NTNG1: variants seen among roughly 807,000 people sequenced by gnomAD.
NTNG1 encodes netrin G1.
In NTNG1, 16 loss-of-function variants were observed where a neutral mutation model predicts 54.0. The observed-to-expected ratio is 0.30, with a 90% CI of 0.20 to 0.45. NTNG1 has a LOEUF of 0.45. Ranked by LOEUF, NTNG1 falls within the 20% of genes least tolerant of loss-of-function variation. The probability of loss-of-function intolerance (pLI) is 1.00; values close to 1 mark genes in which losing one functional copy is unlikely to be tolerated. For synonymous variants in NTNG1, 255 were observed against 263.1 expected (o/e 0.97, Z 0.30); for missense variants, 530 against 678.7 (o/e 0.78, Z 2.43).
At chr1:107,334,787 A>G (rs1418123347) in intron 3 of NTNG1, among the ~76,000 whole-genome samples, 1 of 152,008 alleles carries the variant, frequency 6.6e-6, no homozygotes, top group Non-Finnish European at 1.5e-5. Flanking sequence ...CCTGGCGCAT[A>G]TTAAAAGTTC....
chr1:107,293,169 A>G (rs1392835107), intron 2 of NTNG1, among the ~76,000 whole-genome samples: 1 of 152,222 alleles, frequency 6.6e-6, no homozygotes, highest in East Asian at 1.9e-4. Context: ...TAAGTGTACA[A>G]ATATGATCAC....
chr1:107,316,581 G>A (rs1304304774), intron 2 of NTNG1, among the ~76,000 whole-genome samples: 1 of 152,060 alleles, frequency 6.6e-6, no homozygotes, highest in Non-Finnish European at 1.5e-5. Context: ...CTTGCAAATT[G>A]TTTTTGCATT....
rs750744677 is a variant in NTNG1 at position 107,484,079 on chromosome 1, T to C, written c.*3239T>C. Among the ~76,000 whole-genome samples, 47 of 152,174 alleles carry C rather than the reference T, an allele frequency of 3.1e-4. No individual in the cohort carries two copies. Among genetic ancestry groups the C allele is most frequent in the Non-Finnish European group, 4.7e-4 (32 of 68,030 alleles). ...TTTTAGGCCAAATGTAGGCCCCCTC[T>C]GGGGGTTTAAACTCCTGGAGGCAAG... On this transcript the variant is annotated 3_prime_UTR_variant, in exon 8 of 8. Transcript: ENST00000370068.
intron 2 of NTNG1, among the ~76,000 whole-genome samples, chr1:107,203,318 CTT>C: frequency 6.7e-6 from 1 of 149,646 alleles, no homozygotes; most frequent in East Asian, 2.0e-4. Flanking sequence ...CTGAAAATGT[CTT>C]TTTTTTTGCT....
At chr1:107,248,564 G>A (rs1028663951) in intron 2 of NTNG1, among the ~76,000 whole-genome samples, 1 of 152,142 alleles carries the variant, frequency 6.6e-6, no homozygotes, top group African/African-American at 2.4e-5. Flanking sequence ...TTTAAGACAA[G>A]CATTTTTCAT....
chr1:107,423,013 C>A (rs1395757490), intron 5 of NTNG1, among the ~76,000 whole-genome samples: 1 of 151,984 alleles, frequency 6.6e-6, no homozygotes, highest in Non-Finnish European at 1.5e-5. Context: ...ATCTCATCTG[C>A]CCAGGTCTTC....
chr1:107,313,192 A>G (rs1396999211), intron 2 of NTNG1, among the ~76,000 whole-genome samples: 1 of 152,180 alleles, frequency 6.6e-6, no homozygotes, highest in Non-Finnish European at 1.5e-5. Flanking sequence ...ATATGGTTAG[A>G]TACTACAGGG....
At chr1:107,478,932 C>T (rs927673217) in intron 7 of NTNG1, among the ~76,000 whole-genome samples, 3 of 152,202 alleles carry the variant, frequency 2.0e-5, no homozygotes, top group Non-Finnish European at 2.9e-5. Flanking sequence ...CATTTTTAAC[C>T]ATGACTCATA....
At position 107,148,570 on chromosome 1, in the gene NTNG1, A is replaced by G. The variant is rs766151340; in HGVS notation, c.-24A>G. 6 of 1,609,782 alleles carry G rather than the reference A, an allele frequency of 3.7e-6. No individual in the cohort carries two copies. The South Asian group carries it at 6.6e-5, about 18-fold the overall frequency. On this transcript the variant is annotated 5_prime_UTR_variant, in exon 2 of 8. Transcript: ENST00000370068. ...TAAAGCAAGCTCTGCTTTAGTTTCCAAGAAGATTACAAAGAATTTAGAGAT... is the reference window on the plus strand; with the variant it reads ...TAAAGCAAGCTCTGCTTTAGTTTCCGAGAAGATTACAAAGAATTTAGAGAT...
intron 2 of NTNG1, among the ~76,000 whole-genome samples, chr1:107,286,682 C>T (rs1665223428): frequency 6.6e-6 from 1 of 152,156 alleles, no homozygotes; most frequent in Non-Finnish European, 1.5e-5. Flanking sequence ...CACAAAGTCA[C>T]TTCCTTAGGG....
chr1:107,239,082 G>A (rs753288036), intron 2 of NTNG1, among the ~76,000 whole-genome samples: 6 of 152,116 alleles, frequency 3.9e-5, no homozygotes, highest in Middle Eastern at 3.2e-3. Context: ...AAAGTGCTAT[G>A]AAATCACAAG....
At chr1:107,404,791 G>T (rs1291199345) in intron 4 of NTNG1, among the ~76,000 whole-genome samples, 1 of 152,092 alleles carries the variant, frequency 6.6e-6, no homozygotes, top group Non-Finnish European at 1.5e-5. Context: ...ACTCACATCA[G>T]GGATGTGGAG....
At chr1:107,248,025 T>C (rs1662314191) in intron 2 of NTNG1, among the ~76,000 whole-genome samples, 1 of 152,244 alleles carries the variant, frequency 6.6e-6, no homozygotes, top group Non-Finnish European at 1.5e-5. Context: ...AAATGATCCC[T>C]TGCCACGGTA....
At chr1:107,174,529 C>T (rs1306646365) in intron 2 of NTNG1, among the ~76,000 whole-genome samples, 1 of 151,988 alleles carries the variant, frequency 6.6e-6, no homozygotes, top group Non-Finnish European at 1.5e-5. Context: ...GTTCATTCCT[C>T]TACCTGCTGC....
chr1:107,343,802 G>C (rs1018054426), intron 3 of NTNG1, among the ~76,000 whole-genome samples: 5 of 152,102 alleles, frequency 3.3e-5, no homozygotes, highest in Non-Finnish European at 7.4e-5. Flanking sequence ...GAAAAAAGGA[G>C]CCTCCTGAAG....
chr1:107,377,259 T>A (rs368596277), intron 3 of NTNG1, among the ~76,000 whole-genome samples: 1 of 152,282 alleles, frequency 6.6e-6, no homozygotes. Flanking sequence ...CCAGGAGGCA[T>A]CATGCAGTAG....
intron 3 of NTNG1, among the ~76,000 whole-genome samples, chr1:107,361,250 T>G (rs919598620): frequency 7.2e-6 from 1 of 138,406 alleles, no homozygotes; most frequent in East Asian, 2.0e-4. Flanking sequence ...AATTATTATA[T>G]AAAATATATG....
intron 2 of NTNG1, among the ~76,000 whole-genome samples, chr1:107,183,941 C>T (rs1010130528): frequency 4.6e-5 from 7 of 152,062 alleles, no homozygotes; most frequent in African/African-American, 1.7e-4. Flanking sequence ...ATTACTATTG[C>T]TGTGTGACAA....
chr1:107,442,932 C>G (rs139075296), intron 7 of NTNG1, among the ~76,000 whole-genome samples: 1 of 152,056 alleles, frequency 6.6e-6, no homozygotes, highest in African/African-American at 2.4e-5. Flanking sequence ...TTAGCATTTT[C>G]CAACAGTTAC....
Sources: gnomAD v4.1 joint callset for allele counts (sites outside exome capture counted in the v4.1 genomes callset) on GRCh38, gnomAD v4.1.1 for gene constraint, MANE v1.5 for transcripts, NCBI Gene and HGNC (gene_info 2026-07-23, HGNC 2026-07-21) for gene names.